The following DACH1 variants were observed in gnomAD, a reference collection of about 807,000 sequenced individuals.
DACH1 encodes the protein dachshund homolog 1.
DACH1 carries 12 observed loss-of-function variants against 54.2 expected under a neutral mutation model. The observed-to-expected ratio is 0.22, with a 90% CI of 0.14 to 0.36. The LOEUF (loss-of-function observed/expected upper bound fraction) is 0.36, where lower values mean the gene tolerates loss of function less well. Ranked by LOEUF, DACH1 falls within the 10% of genes least tolerant of loss-of-function variation. The pLI is 1.00. For missense variants in DACH1, 805 were observed against 929.8 expected (o/e 0.87, Z 1.75); for synonymous variants, 386 against 366.2 (o/e 1.05, Z -0.62).
intron 1 of DACH1, among the ~76,000 whole-genome samples, chr13:71,695,296 A>C (rs1881764721): frequency 2.0e-5 from 3 of 152,192 alleles, no homozygotes; most frequent in Admixed American, 2.0e-4. Context: ...TAGTGCACAG[A>C]CATGTGCTAG....
At chr13:71,825,559 G>C (rs1205697398) in intron 1 of DACH1, among the ~76,000 whole-genome samples, 5 of 152,044 alleles carry the variant, frequency 3.3e-5, no homozygotes, top group Non-Finnish European at 7.4e-5. Context: ...TGTAGCTGTG[G>C]TCTTTTGTGG....
At chr13:71,830,023 A>T (rs114738818) in intron 1 of DACH1, among the ~76,000 whole-genome samples, 2 of 151,912 alleles carry the variant, frequency 1.3e-5, no homozygotes, top group Admixed American at 1.3e-4. Flanking sequence ...TAGTTCCACT[A>T]TAAATGATCA....
intron 1 of DACH1, among the ~76,000 whole-genome samples, chr13:71,806,874 C>T (rs1225280000): frequency 6.6e-6 from 1 of 152,096 alleles, no homozygotes; most frequent in African/African-American, 2.4e-5. Context: ...TTTTCATTAA[C>T]ATACCACAAT....
chr13:71,644,899 G>C (rs1253637758), intron 2 of DACH1, among the ~76,000 whole-genome samples: 1 of 152,114 alleles, frequency 6.6e-6, no homozygotes, highest in African/African-American at 2.4e-5. Flanking sequence ...TATAGCAGCA[G>C]CTCTGTTTCT....
At chr13:71,552,660 C>G (rs1295297630) in intron 6 of DACH1, among the ~76,000 whole-genome samples, 1 of 150,102 alleles carries the variant, frequency 6.7e-6, no homozygotes, top group Non-Finnish European at 1.5e-5. Context: ...TTATTACAGC[C>G]TATTCCACTA....
chr13:71,469,941 AAG>A lies in DACH1; in HGVS notation c.2083+5198_2083+5199del, dbSNP rs1876923600. On this transcript the variant is annotated intron_variant, in intron 10 of 10. Transcript: ENST00000613252. ...GATTATGGTCATTGGATGTAAATAAAAGAGTTGTACTTTCAAGTGAAGTCAAG... is the reference window on the plus strand; with the variant it reads ...GATTATGGTCATTGGATGTAAATAAAAGTTGTACTTTCAAGTGAAGTCAAG... Among the ~76,000 whole-genome samples the A allele has an allele frequency of 4.6e-5, 7 of 152,350 alleles. 1 individual carries two copies. In the South Asian group the frequency reaches 1.4e-3, roughly 32 times the overall value.
rs1349587299 is a variant in DACH1 at position 71,440,515 on chromosome 13, C to T, written c.*140G>A. On this transcript the variant is annotated 3_prime_UTR_variant, in exon 11 of 11. Transcript: ENST00000613252. ...AAACTTTTTTTTTTTTTGTAGAATA[C>T]TTAAACTTTTAAAGAACATTAATAC... 1.2e-5 allele frequency: 7 copies of T among 560,204 alleles called. No individual in the cohort carries two copies. The highest frequency in any genetic ancestry group is 1.2e-4 in the African/African-American group (6 of 48,736). The allele number at this position is 560,204 out of a possible 1,614,324, so 34.7% of individuals were successfully genotyped here. A position where few individuals can be genotyped will look rare whatever the true frequency, so the allele number is the denominator to read the frequency against.
intron 10 of DACH1, among the ~76,000 whole-genome samples, chr13:71,474,322 T>C (rs1877334600): frequency 1.3e-5 from 2 of 152,140 alleles, no homozygotes; most frequent in Admixed American, 6.5e-5. Context: ...CTAAAAATGA[T>C]TGAGTTTAAA....
intron 1 of DACH1, among the ~76,000 whole-genome samples, chr13:71,710,676 T>A (rs1171457424): frequency 1.3e-5 from 2 of 152,150 alleles, no homozygotes; most frequent in Non-Finnish European, 1.5e-5. Flanking sequence ...AAGTATCATT[T>A]TGGAGGTGGC....
At chr13:71,684,435 T>A (rs752482137) in intron 1 of DACH1, among the ~76,000 whole-genome samples, 1 of 152,092 alleles carries the variant, frequency 6.6e-6, no homozygotes, top group Non-Finnish European at 1.5e-5. Context: ...CCCTACTCAG[T>A]TTCTTAACAG....
chr13:71,624,687 A>C (rs897221328), intron 3 of DACH1, among the ~76,000 whole-genome samples: 1 of 152,108 alleles, frequency 6.6e-6, no homozygotes, highest in South Asian at 2.1e-4. Context: ...TGATACTGTA[A>C]TTGAACTGGA....
intron 3 of DACH1, among the ~76,000 whole-genome samples, chr13:71,623,074 T>G (rs934202282): frequency 6.6e-6 from 1 of 151,772 alleles, no homozygotes; most frequent in African/African-American, 2.4e-5. Flanking sequence ...TTATAAATCA[T>G]GCTGTAATGA....
chr13:71,479,443 C>T (rs1877850689), intron 7 of DACH1, 127 bp from the exon 8 acceptor site: 1 of 826,508 alleles, frequency 1.2e-6, no homozygotes, highest in Non-Finnish European at 1.9e-6. Flanking sequence ...ATTCACTCTG[C>T]ACTCACTAGA....
intron 3 of DACH1, among the ~76,000 whole-genome samples, chr13:71,594,739 C>G (rs1303981811): frequency 6.6e-6 from 1 of 151,922 alleles, no homozygotes; most frequent in Non-Finnish European, 1.5e-5. Context: ...ACAAACCGGC[C>G]CCTAGTTCTC....
At chr13:71,584,806 C>T (rs1197872454) in intron 3 of DACH1, among the ~76,000 whole-genome samples, 2 of 151,468 alleles carry the variant, frequency 1.3e-5, no homozygotes, top group African/African-American at 4.9e-5. Flanking sequence ...TTAAGTTAAC[C>T]CTGCATATTG....
intron 1 of DACH1, among the ~76,000 whole-genome samples, chr13:71,748,643 T>C: frequency 6.6e-6 from 1 of 152,150 alleles, no homozygotes; most frequent in East Asian, 1.9e-4. Context: ...CCTTGAGGTG[T>C]CTGCCCTGTA....
intron 1 of DACH1, among the ~76,000 whole-genome samples, chr13:71,752,970 G>A (rs1884991037): frequency 6.6e-6 from 1 of 152,118 alleles, no homozygotes; most frequent in African/African-American, 2.4e-5. Flanking sequence ...CAGGCAGCAG[G>A]TGTGAGCAGT....
rs996884377 is a variant in DACH1, at chr13:71,840,481, A to G, written c.848+25441T>C. Among the ~76,000 whole-genome samples, 4 of 152,214 alleles carry G rather than the reference A, an allele frequency of 2.6e-5. No homozygotes were observed. The East Asian group carries it at 7.7e-4, about 29-fold the overall frequency. ...GGCCGGTTCCTATATTTCAAGAGCA[A>G]TCTCACAACCCCGATTAATAGATAT... On this transcript the variant is annotated intron_variant, in intron 1 of 10. Transcript: ENST00000613252.
chr13:71,494,244 A>G (rs924127114), intron 6 of DACH1, among the ~76,000 whole-genome samples: 4 of 152,148 alleles, frequency 2.6e-5, no homozygotes, highest in African/African-American at 9.7e-5. Context: ...AACCACTGCA[A>G]TTTTGATACT....
Sources: allele counts gnomAD v4.1 joint callset (sites outside exome capture counted in the v4.1 genomes callset), GRCh38; gene constraint gnomAD v4.1.1; transcripts MANE v1.5; gene names NCBI Gene and HGNC (gene_info 2026-07-23, HGNC 2026-07-21).